CYB5R3: variants seen among roughly 807,000 people sequenced by gnomAD.
CYB5R3 encodes the protein NADH-cytochrome b5 reductase 3.
Under a neutral mutation model 36.5 loss-of-function variants are expected in CYB5R3, and 28 were observed. That is an observed-to-expected ratio of 0.77 (90% CI 0.57 to 1.05). CYB5R3 has a LOEUF of 1.05. CYB5R3 is among the 50% of genes least tolerant of loss of function. CYB5R3 has a pLI of 0.00. For missense variants in CYB5R3, 474 were observed against 408.9 expected (o/e 1.16, Z -1.37); for synonymous variants, 181 against 159.8 (o/e 1.13, Z -1.00).
At chr22:42,621,826 G>A (rs547164449) in intron 8 of CYB5R3, among the ~76,000 whole-genome samples, 4 of 152,370 alleles carry the variant, frequency 2.6e-5, no homozygotes, top group South Asian at 2.1e-4. Flanking sequence ...ACCCTGCCTC[G>A]CAGCAAGCTG....
Position 42,628,262 on chromosome 22 carries a change from T to A in CYB5R3, c.353A>T (p.His118Leu). ...CTTCCCTCCAGCGGGAAACTTGGGA[T>A]GGGTGTCCTTGAAGTAAACCTGCAA... is the stretch of plus-strand genomic sequence containing the variant. Reference protein sequence around the residue: ...LVIKVYFKDTHPKFPAGGKMS... With the variant: ...LVIKVYFKDTLPKFPAGGKMS... Residue 118 changes from histidine to leucine, a missense_variant, in exon 5 of 9, where the codon CAT (histidine) becomes CTT (leucine). Physicochemically the swap from His to Leu is moderately conservative, Grantham distance 99. Coordinates refer to ENST00000352397, the MANE Select transcript of CYB5R3 (RefSeq NM_000398.7). 1 of 1,614,074 alleles carries A rather than the reference T, an allele frequency of 6.2e-7. No individual in the cohort carries two copies. Among genetic ancestry groups the A allele is most frequent in the Non-Finnish European group, 8.5e-7 (1 of 1,179,954 alleles).
rs1203611768 is a variant in CYB5R3 at position 42,636,861 on chromosome 22, C to T, written c.22-15G>A. On this transcript the variant is annotated splice_polypyrimidine_tract_variant and intron_variant, in intron 1 of 8. Coordinates refer to ENST00000352397, the MANE Select transcript of CYB5R3 (RefSeq NM_000398.7). ...ATATGGCCCAACTGAAACGACAGGACCCGCGGGGTCAGTGCAGGAGCCTGC... is the reference window on the plus strand; with the variant it reads ...ATATGGCCCAACTGAAACGACAGGATCCGCGGGGTCAGTGCAGGAGCCTGC... 1.2e-6 allele frequency: 2 copies of T among 1,612,344 alleles called. No homozygotes were observed. Among genetic ancestry groups the T allele is most frequent in the Middle Eastern group, 1.7e-4 (1 of 6,058 alleles).
At chr22:42,633,868 C>T (rs1429055535) in intron 2 of CYB5R3, among the ~76,000 whole-genome samples, 5 of 152,078 alleles carry the variant, frequency 3.3e-5, no homozygotes, top group Non-Finnish European at 7.4e-5. Flanking sequence ...GGCTTGTGCC[C>T]AGGAGTTTGA....
At chr22:42,628,399 T>C (rs554217198) in intron 4 of CYB5R3, 118 bp from the exon 5 acceptor site, 6 of 1,330,826 alleles carry the variant, frequency 4.5e-6, no homozygotes, top group African/African-American at 1.4e-5. Context: ...CACATGGCCT[T>C]CTCCCGTGGA....
At chr22:42,620,792 T>A (rs2146861462) in intron 8 of CYB5R3, among the ~76,000 whole-genome samples, 1 of 152,328 alleles carries the variant, frequency 6.6e-6, no homozygotes, top group Admixed American at 6.5e-5. Context: ...TCTCATGGAC[T>A]CCATGAGCTA....
chr22:42,631,028 C>A (rs762992490), intron 3 of CYB5R3, 40 bp from the exon 4 acceptor site: 3 of 1,565,188 alleles, frequency 1.9e-6, no homozygotes, highest in East Asian at 4.5e-5. Context: ...CAGAGATCAT[C>A]CTGCGGGTGA....
rs541741395 is a variant in CYB5R3, at chr22:42,641,899, C to G, written c.22-5053G>C. Among the ~76,000 whole-genome samples, 8 of 152,280 alleles carry G rather than the reference C, an allele frequency of 5.3e-5. No homozygotes were observed. In the East Asian group the frequency reaches 1.5e-3, roughly 29 times the overall value. ...TCAGCCTCCCACAGTACTGGGATTACAGGCATGAGCCACTGCACCCAGCCT... is the reference window on the plus strand; with the variant it reads ...TCAGCCTCCCACAGTACTGGGATTAGAGGCATGAGCCACTGCACCCAGCCT... On this transcript the variant is annotated intron_variant, in intron 1 of 8. Coordinates refer to ENST00000352397, the MANE Select transcript of CYB5R3 (RefSeq NM_000398.7).
chr22:42,627,989 C>A (rs1414129646), intron 5 of CYB5R3, among the ~76,000 whole-genome samples, 163 bp downstream of exon 5: 1 of 152,106 alleles, frequency 6.6e-6, no homozygotes, highest in Non-Finnish European at 1.5e-5. Flanking sequence ...AGCAACTTAC[C>A]CCCTCTACAG....
intron 1 of CYB5R3, 135 bp from the exon 2 acceptor site, chr22:42,636,981 G>C: frequency 7.8e-7 from 1 of 1,277,356 alleles, no homozygotes; most frequent in Non-Finnish European, 1.1e-6. Flanking sequence ...CCCTCATCCA[G>C]AAAGCTTCAT....
intron 1 of CYB5R3, among the ~76,000 whole-genome samples, chr22:42,643,603 C>T (rs924520537): frequency 6.6e-6 from 1 of 152,136 alleles, no homozygotes. Context: ...TGGTATTTGA[C>T]CCATGGGTCT....
rs8190389 is a variant in CYB5R3 at position 42,646,539 on chromosome 22, CAG to C, written c.21+2754_21+2755del. Reference sequence around the variant, plus strand: ...CTGCCCAGGCCAGGTTAGGGGTGGGCAGAGAGAGCTGCCAGGGCCCCCGACCT... The same window carrying C: ...CTGCCCAGGCCAGGTTAGGGGTGGGCAGAGAGCTGCCAGGGCCCCCGACCT... On this transcript the variant is annotated intron_variant, in intron 1 of 8. Transcript: ENST00000352397. The C allele has an allele frequency of 9.9e-4, 539 of 546,790 alleles. 4 individuals carry two copies. The African/African-American group carries it at 0.011, about 11-fold the overall frequency. 33.9% of individuals were successfully genotyped at this position (546,790 alleles called of 1,614,324 possible).
chr22:42,648,598 T>C (rs955864819), intron 1 of CYB5R3, among the ~76,000 whole-genome samples: 1 of 152,074 alleles, frequency 6.6e-6, no homozygotes, highest in Admixed American at 6.6e-5. Context: ...CATTTCCCCA[T>C]CTGTGAAATG....
chr22:42,620,571 C>G (rs1927910562), intron 8 of CYB5R3, among the ~76,000 whole-genome samples: 1 of 152,130 alleles, frequency 6.6e-6, no homozygotes, highest in African/African-American at 2.4e-5. Flanking sequence ...CCAGAAACAA[C>G]CACCCCACAG....
chr22:42,635,909 C>T (rs1460085074), intron 2 of CYB5R3, among the ~76,000 whole-genome samples: 1 of 152,162 alleles, frequency 6.6e-6, no homozygotes, highest in East Asian at 1.9e-4. Context: ...AAATCATAAT[C>T]AGAGCTTTGA....
chr22:42,629,419 C>T (rs540974627), intron 4 of CYB5R3, among the ~76,000 whole-genome samples: 97 of 152,318 alleles, frequency 6.4e-4, no homozygotes, highest in African/African-American at 2.3e-3. Context: ...CCACTCTCAC[C>T]AGCCAACCCC....
In CYB5R3 at chr22:42,630,965, G is replaced by A. The variant is rs1210302322; in HGVS notation, c.250C>T (p.Arg84Ter). 8.1e-6 allele frequency: 13 copies of A among 1,613,924 alleles called. No homozygotes were observed. The highest frequency in any genetic ancestry group is 3.3e-5 in the South Asian group (3 of 91,018). Residue 84 changes from arginine (R) to a stop codon, truncating the protein, a stop_gained, in exon 4 of 9, where the codon CGA becomes TGA. Coordinates refer to ENST00000352397, the MANE Select transcript of CYB5R3 (RefSeq NM_000398.7). LOFTEE classifies it high-confidence loss of function. ...CGGACGACCAGGTTTCCATCAATTC[G>A]AGCCGAGAGGTAGATGTGCTGGCCT... ...PVGQHIYLSA[R>*]IDGNLVVRPY...
intron 1 of CYB5R3, among the ~76,000 whole-genome samples, chr22:42,646,098 C>T (rs8190392): frequency 8.5e-5 from 13 of 152,188 alleles, no homozygotes; most frequent in Non-Finnish European, 5.9e-5. Context: ...GCCCCGTCCT[C>T]GTCCACAGCA....
In CYB5R3 at chr22:42,627,448, C is replaced by T; in HGVS notation, c.548-59G>A. 4.5e-6 allele frequency: 7 copies of T among 1,569,278 alleles called. No homozygotes were observed. In the South Asian group the frequency reaches 6.7e-5, roughly 15 times the overall value. ...GAGCGAGGCCTGTTCACAGGCACCG[C>T]CCCGCCCAGGTGTACTGGGGTGGAG... On this transcript the variant is annotated intron_variant, in intron 6 of 8. Transcript: ENST00000352397.
Position 42,628,155 on chromosome 22 carries a change from T to C in CYB5R3, c.460A>G (p.Lys154Glu), listed in dbSNP as rs1166220320. 3 of 1,613,940 alleles carry C rather than the reference T, an allele frequency of 1.9e-6. No individual in the cohort carries two copies. In the Admixed American group the frequency reaches 5.0e-5, roughly 27 times the overall value. Residue 154 changes from lysine to glutamate, a missense_variant, in exon 5 of 9, where the codon AAA (lysine) becomes GAA (glutamate). By Grantham distance (56) the Lys-to-Glu change is moderately conservative. Transcript: ENST00000352397. ...AAGGGATTCCGACCCGAATCACCTTTGCCCTGGTAGACCAGCAGCCCACTG... is the reference window on the plus strand; with the variant it reads ...AAGGGATTCCGACCCGAATCACCTTCGCCCTGGTAGACCAGCAGCCCACTG... ...GPSGLLVYQG[K>E]GKFAIRPDKK...
Sources: allele counts gnomAD v4.1 joint callset (sites outside exome capture counted in the v4.1 genomes callset), GRCh38; gene constraint gnomAD v4.1.1; transcripts MANE v1.5; gene names NCBI Gene and HGNC (gene_info 2026-07-23, HGNC 2026-07-21).